The following NKAIN3 variants were observed in gnomAD, a reference collection of about 807,000 sequenced individuals.
NKAIN3 encodes sodium/potassium transporting ATPase interacting 3.
A neutral mutation model predicts 30.2 loss-of-function variants in NKAIN3; 25 were observed. That is an observed-to-expected ratio of 0.83 (90% CI 0.60 to 1.16). The LOEUF (loss-of-function observed/expected upper bound fraction) is 1.16. Ranked by LOEUF, NKAIN3 falls within the 50% of genes most tolerant of loss-of-function variation. The pLI is 0.00. For missense variants in NKAIN3, 225 were observed against 254.1 expected, an observed-to-expected ratio of 0.89 and a Z score of 0.78; for synonymous variants, 91 against 89.6, an observed-to-expected ratio of 1.02 and a Z score of -0.09.
intron 3 of NKAIN3, among the ~76,000 whole-genome samples, chr8:62,660,217 T>A (rs1359066121): frequency 6.6e-6 from 1 of 152,158 alleles, no homozygotes; most frequent in African/African-American, 2.4e-5. Flanking sequence ...GCACTAACGA[T>A]GAGTGACCTT....
At chr8:62,296,528 A>G (rs1813836015) in intron 1 of NKAIN3, among the ~76,000 whole-genome samples, 1 of 152,150 alleles carries the variant, frequency 6.6e-6, no homozygotes, top group Non-Finnish European at 1.5e-5. Context: ...TAGCATATTA[A>G]CTGTAACTTT....
intron 1 of NKAIN3, among the ~76,000 whole-genome samples, chr8:62,469,616 T>G (rs559212634): frequency 3.3e-5 from 5 of 152,178 alleles, no homozygotes; most frequent in South Asian, 2.1e-4. Flanking sequence ...TATGACTTTA[T>G]TTTTAAATGT....
intron 4 of NKAIN3, among the ~76,000 whole-genome samples, chr8:62,781,906 C>T (rs1817364675): frequency 6.6e-6 from 1 of 151,818 alleles, no homozygotes; most frequent in Admixed American, 6.6e-5. Context: ...TGGCTATGAC[C>T]TCAGAAGCAC....
At chr8:62,289,209 G>A (rs1813489769) in intron 1 of NKAIN3, among the ~76,000 whole-genome samples, 1 of 152,142 alleles carries the variant, frequency 6.6e-6, no homozygotes, top group South Asian at 2.1e-4. Flanking sequence ...TCACTCTGAT[G>A]GTAGTTTCTT....
intron 5 of NKAIN3, among the ~76,000 whole-genome samples, chr8:62,995,250 G>A (rs758311807): frequency 9.2e-5 from 14 of 152,214 alleles, no homozygotes; most frequent in Admixed American, 2.6e-4. Flanking sequence ...TTAGATGGGC[G>A]TGGCAGAAGC....
chr8:62,811,126 AT>A (rs1268951597), intron 4 of NKAIN3, among the ~76,000 whole-genome samples: 2 of 151,976 alleles, frequency 1.3e-5, no homozygotes, highest in African/African-American at 4.8e-5. Flanking sequence ...CATCTCAAGA[AT>A]TTTTTACAAA....
intron 1 of NKAIN3, among the ~76,000 whole-genome samples, chr8:62,268,187 C>T (rs368071190): frequency 2.0e-5 from 3 of 152,250 alleles, no homozygotes; most frequent in East Asian, 1.9e-4. Flanking sequence ...TACAATATGC[C>T]GTCAGCAGTT....
At chr8:62,544,094 G>A (rs181395933) in intron 1 of NKAIN3, among the ~76,000 whole-genome samples, 52 of 151,984 alleles carry the variant, frequency 3.4e-4, no homozygotes, top group Admixed American at 8.5e-4. Flanking sequence ...CTCTGCCTCC[G>A]GGGCTCAAGA....
intron 3 of NKAIN3, among the ~76,000 whole-genome samples, chr8:62,671,669 C>T (rs886886416): frequency 1.3e-5 from 2 of 151,968 alleles, no homozygotes; most frequent in South Asian, 2.1e-4. Context: ...TGTGTGTGCA[C>T]GTGTGTGTCA....
intron 1 of NKAIN3, among the ~76,000 whole-genome samples, chr8:62,573,919 C>A (rs1266110464): frequency 1.3e-5 from 2 of 152,074 alleles, no homozygotes; most frequent in Non-Finnish European, 2.9e-5. Flanking sequence ...TTAAAATGTA[C>A]AATTAAATTA....
chr8:62,250,192 A>G (rs1176287338), intron 1 of NKAIN3, among the ~76,000 whole-genome samples: 3 of 152,196 alleles, frequency 2.0e-5, no homozygotes, highest in Admixed American at 2.0e-4. Context: ...GAGGGATAAA[A>G]TCGTGCTTTT....
chr8:62,758,295 T>G (rs995910836), intron 4 of NKAIN3, among the ~76,000 whole-genome samples: 8 of 152,072 alleles, frequency 5.3e-5, no homozygotes, highest in African/African-American at 1.7e-4. Flanking sequence ...AAAACAGACA[T>G]TAATGAGACA....
chr8:62,521,174 T>C (rs1808143560), intron 1 of NKAIN3, among the ~76,000 whole-genome samples: 1 of 151,940 alleles, frequency 6.6e-6, no homozygotes, highest in Non-Finnish European at 1.5e-5. Context: ...GTTGCAGGCC[T>C]TCCTGAAGGA....
intron 4 of NKAIN3, among the ~76,000 whole-genome samples, chr8:62,771,118 T>G (rs2130636128): frequency 6.6e-6 from 1 of 152,214 alleles, no homozygotes; most frequent in African/African-American, 2.4e-5. Context: ...GTCCAAAATT[T>G]TAAAAATCAT....
At chr8:62,696,559 A>G (rs1160789056) in intron 3 of NKAIN3, among the ~76,000 whole-genome samples, 1 of 152,208 alleles carries the variant, frequency 6.6e-6, no homozygotes, top group Non-Finnish European at 1.5e-5. Flanking sequence ...TTATGCATAA[A>G]GACAAAGTCA....
intron 1 of NKAIN3, among the ~76,000 whole-genome samples, chr8:62,495,049 A>G (rs979607818): frequency 6.6e-6 from 1 of 151,682 alleles, no homozygotes; most frequent in Non-Finnish European, 1.5e-5. Flanking sequence ...CTTGGAAATC[A>G]CTCCCTCCAT....
At position 62,527,132 on chromosome 8, in the gene NKAIN3, C is replaced by T. The variant is rs191970620; in HGVS notation, c.55-52407C>T. 2.1e-3 allele frequency among the ~76,000 whole-genome samples: 327 copies of T among 152,266 alleles called. 2 individuals carry two copies. The highest frequency in any genetic ancestry group is 7.3e-3 in the African/African-American group (302 of 41,564). ...AGAGAGAGGAGCTCATGACAGACTG[C>T]GTGTCAATCCCATCCAACCAGCCTC... On this transcript the variant is annotated intron_variant, in intron 1 of 6. Transcript: ENST00000623646.
At chr8:62,730,783 TA>T (rs1426258817) in intron 3 of NKAIN3, among the ~76,000 whole-genome samples, 4 of 152,178 alleles carry the variant, frequency 2.6e-5, no homozygotes, top group African/African-American at 9.7e-5. Context: ...AAAAGCAAAA[TA>T]AATTCTTCTT....
At chr8:62,443,757 C>A (rs947541356) in intron 1 of NKAIN3, among the ~76,000 whole-genome samples, 4 of 151,956 alleles carry the variant, frequency 2.6e-5, no homozygotes, top group Non-Finnish European at 5.9e-5. Context: ...TATAATTTTT[C>A]TCTTCTCTTT....
Sources: allele counts gnomAD v4.1 joint callset (sites outside exome capture counted in the v4.1 genomes callset), GRCh38; gene constraint gnomAD v4.1.1; transcripts MANE v1.5; gene names NCBI Gene and HGNC (gene_info 2026-07-23, HGNC 2026-07-21).